The following HSPB6 variants were observed in gnomAD, a reference collection of about 807,000 sequenced individuals.
HSPB6 encodes heat shock protein family B (small) member 6, also known as heat shock protein beta-6.
Under a neutral mutation model 10.7 loss-of-function variants are expected in HSPB6, and 8 were observed. The observed-to-expected ratio is 0.75, with a 90% CI of 0.44 to 1.35. The LOEUF (loss-of-function observed/expected upper bound fraction) is 1.35, where lower values mean the gene tolerates loss of function less well. HSPB6 is among the 40% of genes most tolerant of loss of function. The probability of loss-of-function intolerance (pLI) is 0.00; values close to 1 mark genes in which losing one functional copy is unlikely to be tolerated. For synonymous variants in HSPB6, 128 were observed against 114.2 expected (o/e 1.12, Z -0.77); for missense variants, 232 against 236.0 (o/e 0.98, Z 0.11).
At chr19:35,756,622 C>G (rs1970762688) in intron 1 of HSPB6, among the ~76,000 whole-genome samples, 189 bp downstream of exon 1, 1 of 152,070 alleles carries the variant, frequency 6.6e-6, no homozygotes, top group Non-Finnish European at 1.5e-5. Context: ...CACCTAAGAG[C>G]GACGGGGACC....
chr19:35,755,285 G>A lies in HSPB6; in HGVS notation c.*237C>T. On this transcript the variant is annotated 3_prime_UTR_variant, in exon 3 of 3. Transcript: ENST00000004982. ...AGGGTAGTGCTGGTAGGGTCTGGAA[G>A]CCGGGGAGTTGTCGGTGTGGGGTCG... The A allele has an allele frequency of 1.5e-6, 1 of 669,836 alleles. No individual in the cohort carries two copies. The highest frequency in any genetic ancestry group is 2.8e-5 in the East Asian group (1 of 35,126). The allele number at this position is 669,836 out of a possible 1,614,324, so 41.5% of individuals were successfully genotyped here.
In HSPB6 at chr19:35,755,024, G is replaced by C. The variant is rs1471001148; in HGVS notation, c.*498C>G. ...TTGGGAACCAGGCCTGGATGGTCTG[G>C]AGTGGGAGGTCTGTGCAGTCCAGGA... is the stretch of plus-strand genomic sequence containing the variant. On this transcript the variant is annotated 3_prime_UTR_variant, in exon 3 of 3. Coordinates refer to ENST00000004982, the MANE Select transcript of HSPB6 (RefSeq NM_144617.3). 2 of 289,682 alleles carry C rather than the reference G, an allele frequency of 6.9e-6. No individual in the cohort carries two copies. The highest frequency in any genetic ancestry group is 2.3e-5 in the African/African-American group (1 of 43,484). The allele number at this position is 289,682 out of a possible 1,614,324, so 17.9% of individuals were successfully genotyped here.
In HSPB6 at chr19:35,755,288, G is replaced by A. The variant is rs554528232; in HGVS notation, c.*234C>T. On this transcript the variant is annotated 3_prime_UTR_variant, in exon 3 of 3. Transcript: ENST00000004982. ...GTAGTGCTGGTAGGGTCTGGAAGCC[G>A]GGGAGTTGTCGGTGTGGGGTCGGAA... 27 of 668,390 alleles carry A rather than the reference G, an allele frequency of 4.0e-5. No homozygotes were observed. The highest frequency in any genetic ancestry group is 1.3e-4 in the African/African-American group (7 of 54,378). 41.4% of individuals were successfully genotyped at this position (668,390 alleles called of 1,614,324 possible). A position where few individuals can be genotyped will look rare whatever the true frequency, so the allele number is the denominator to read the frequency against.
Position 35,755,695 on chromosome 19 carries a change from G to A in HSPB6, c.322-12C>T, listed in dbSNP as rs1970744169. 1 of 1,531,600 alleles carries A rather than the reference G, an allele frequency of 6.5e-7. No homozygotes were observed. 94.9% of individuals were successfully genotyped at this position (1,531,600 alleles called of 1,614,324 possible). On this transcript the variant is annotated splice_polypyrimidine_tract_variant and intron_variant, in intron 2 of 2. Transcript: ENST00000004982. ...AATCCGTGCTCATCCTGGAGGGGAG[G>A]GAGGCTTGAGCGGCCCCGCCCCTCC...
Position 35,755,184 on chromosome 19 carries a change from A to C in HSPB6, c.*338T>G. The C allele has an allele frequency of 2.2e-6, 1 of 457,834 alleles. No individual in the cohort carries two copies. The highest frequency in any genetic ancestry group is 4.0e-5 in the Admixed American group (1 of 24,776). The allele number at this position is 457,834 out of a possible 1,614,324, so 28.4% of individuals were successfully genotyped here. On this transcript the variant is annotated 3_prime_UTR_variant, in exon 3 of 3. Coordinates refer to ENST00000004982, the MANE Select transcript of HSPB6 (RefSeq NM_144617.3). The stretch of plus-strand genomic sequence containing the variant: ...TGTCTTTGTAGAGGACTCAGAAGGA[A>C]GTAGAGGAGGGGTCTTAAGTGGGGC...
At position 35,754,717 on chromosome 19, in the gene HSPB6, T is replaced by C. The variant is rs1970731468; in HGVS notation, c.*805A>G. 1.8e-6 allele frequency: 1 copy of C among 567,820 alleles called. No homozygotes were observed. The highest frequency in any genetic ancestry group is 3.0e-5 in the Admixed American group (1 of 33,550). 35.2% of individuals were successfully genotyped at this position (567,820 alleles called of 1,614,324 possible). A position where few individuals can be genotyped will look rare whatever the true frequency, so the allele number is the denominator to read the frequency against. On this transcript the variant is annotated 3_prime_UTR_variant, in exon 3 of 3. Coordinates refer to ENST00000004982, the MANE Select transcript of HSPB6 (RefSeq NM_144617.3). ...AGGGTGGGAGGTGGGTTGCCGAGGA[T>C]ATCTGGTTGAAGACTTGGGGGTCAA...
Position 35,755,229 on chromosome 19 carries a change from T to G in HSPB6, c.*293A>C. ...TGGGGCTATATGCCAAGAAAGTGGG[T>G]CGGTGGGGCTGAGACTGTCGGCTGA... On this transcript the variant is annotated 3_prime_UTR_variant, in exon 3 of 3. Transcript: ENST00000004982. The G allele has an allele frequency of 1.7e-6, 1 of 579,592 alleles. No individual in the cohort carries two copies. Among genetic ancestry groups the G allele is most frequent in the South Asian group, 1.9e-5 (1 of 52,534 alleles). The allele number at this position is 579,592 out of a possible 1,614,324, so 35.9% of individuals were successfully genotyped here.
rs539251973 is a variant in HSPB6 at position 35,755,981 on chromosome 19, C to T, written c.199-87G>A. ...AGGGAGACCCCACCCCCGTCGGTTC[C>T]GTGCCGCGGCTCACTCTGGCCTCCG... On this transcript the variant is annotated intron_variant, in intron 1 of 2. Transcript: ENST00000004982. 3.4e-6 allele frequency: 5 copies of T among 1,491,572 alleles called. No individual in the cohort carries two copies. In the African/African-American group the frequency reaches 5.7e-5, roughly 17 times the overall value. 92.4% of individuals were successfully genotyped at this position (1,491,572 alleles called of 1,614,324 possible).
Position 35,756,920 on chromosome 19 carries a change from T to C in HSPB6, c.89A>G (p.Asp30Gly). The change falls in exon 1 of 3, where the codon GAC becomes GGC. Residue 30 changes from aspartate to glycine, a missense_variant. By Grantham distance (94) the Asp-to-Gly change is moderately conservative (BLOSUM62 -1). Coordinates refer to ENST00000004982, the MANE Select transcript of HSPB6 (RefSeq NM_144617.3). ...CAGCAGCCCCTCGCCGAAGCGCTGG[T>C]CAAAGAGGCGTCCGGGCGCCGAAAG... Reference protein sequence around the residue: ...PGLSAPGRLFDQRFGEGLLEA... With the variant: ...PGLSAPGRLFGQRFGEGLLEA... 6.5e-7 allele frequency: 1 copy of C among 1,541,608 alleles called. No homozygotes were observed. The highest frequency in any genetic ancestry group is 1.2e-5 in the South Asian group (1 of 83,940).
Position 35,755,884 on chromosome 19 carries a change from TC to T in HSPB6, c.208del (p.Asp70ThrfsTer9). The T allele has an allele frequency of 6.4e-7, 1 of 1,566,862 alleles. No individual in the cohort carries two copies. Among genetic ancestry groups the T allele is most frequent in the Non-Finnish European group, 8.6e-7 (1 of 1,157,954 alleles). On this transcript the variant is annotated frameshift_variant, in exon 2 of 3. Transcript: ENST00000004982. LOFTEE classifies it high-confidence loss of function. ...VALPVAQVPT[D>X]PGHFSVLLDV... ...TAGCAGCACCGAAAAGTGGCCGGGG[TC>T]CGTCGGCACCTGAGCGCAGCGGGCG...
Position 35,755,080 on chromosome 19 carries a change from T to C in HSPB6, c.*442A>G, listed in dbSNP as rs1599738651. 4.1e-6 allele frequency: 1 copy of C among 242,392 alleles called. No individual in the cohort carries two copies. Among genetic ancestry groups the C allele is most frequent in the Middle Eastern group, 1.3e-3 (1 of 774 alleles). The allele number at this position is 242,392 out of a possible 1,614,324, so 15.0% of individuals were successfully genotyped here. Reference sequence around the variant, plus strand: ...GGGGGGTGGGGGGATTGTGCCTGACTGGCCTGGGGTTGGGGGAGGGCTGTC... The same window carrying C: ...GGGGGGTGGGGGGATTGTGCCTGACCGGCCTGGGGTTGGGGGAGGGCTGTC... On this transcript the variant is annotated 3_prime_UTR_variant, in exon 3 of 3. Transcript: ENST00000004982.
chr19:35,755,129 T>G lies in HSPB6; in HGVS notation c.*393A>C. ...TCTACACCATAATTTGGTGTCAAAA[T>G]AGGGAAGGGATGGAAATGTAGTACC... On this transcript the variant is annotated 3_prime_UTR_variant, in exon 3 of 3. Coordinates refer to ENST00000004982, the MANE Select transcript of HSPB6 (RefSeq NM_144617.3). 2.9e-6 allele frequency: 1 copy of G among 341,290 alleles called. No individual in the cohort carries two copies. Among genetic ancestry groups the G allele is most frequent in the South Asian group, 2.6e-5 (1 of 39,028 alleles). The allele number at this position is 341,290 out of a possible 1,614,324, so 21.1% of individuals were successfully genotyped here. A position where few individuals can be genotyped will look rare whatever the true frequency, so the allele number is the denominator to read the frequency against.
At position 35,756,881 on chromosome 19, in the gene HSPB6, G is replaced by A; in HGVS notation, c.128C>T (p.Ala43Val). The stretch of plus-strand genomic sequence containing the variant: ...GGCGAGCGTGGTGGGGCAGAGCGCA[G>A]CCAGCTCGGCCTCCAGCAGCCCCTC... The part of the protein sequence containing the change: ...FGEGLLEAEL[A>V]ALCPTTLAPY... Residue 43 changes from alanine to valine, a missense_variant, in exon 1 of 3, where the codon GCT becomes GTT. By Grantham distance (64) the Ala-to-Val change is moderately conservative. Coordinates refer to ENST00000004982, the MANE Select transcript of HSPB6 (RefSeq NM_144617.3). The A allele has an allele frequency of 6.5e-7, 1 of 1,537,720 alleles. No homozygotes were observed. The highest frequency in any genetic ancestry group is 8.7e-7 in the Non-Finnish European group (1 of 1,145,750).
In HSPB6 at chr19:35,755,959, G is replaced by T; in HGVS notation, c.199-65C>A. 2 of 1,520,284 alleles carry T rather than the reference G, an allele frequency of 1.3e-6. 1 individual carries two copies. Among genetic ancestry groups the T allele is most frequent in the South Asian group, 2.5e-5 (2 of 81,050 alleles). The allele number at this position is 1,520,284 out of a possible 1,614,324, so 94.2% of individuals were successfully genotyped here. A position where few individuals can be genotyped will look rare whatever the true frequency, so the allele number is the denominator to read the frequency against. On this transcript the variant is annotated intron_variant, in intron 1 of 2. Coordinates refer to ENST00000004982, the MANE Select transcript of HSPB6 (RefSeq NM_144617.3). ...GGCCAGGCTCCAGGACCCACCCAGGGAGACCCCACCCCCGTCGGTTCCGTG... is the reference window on the plus strand; with the variant it reads ...GGCCAGGCTCCAGGACCCACCCAGGTAGACCCCACCCCCGTCGGTTCCGTG...
chr19:35,756,770 CAAT>C (rs1170796235), intron 1 of HSPB6, 38 bp downstream of exon 1: 2 of 1,528,048 alleles, frequency 1.3e-6, no homozygotes, highest in Non-Finnish European at 1.8e-6. Flanking sequence ...AGACCCCTGG[CAAT>C]GGAAGTGGTC....
rs1248436541 is a variant in HSPB6 at position 35,755,671 on chromosome 19, A to T, written c.334T>A (p.Phe112Ile). The T allele has an allele frequency of 1.8e-5, 28 of 1,534,712 alleles. No individual in the cohort carries two copies. The highest frequency in any genetic ancestry group is 2.3e-5 in the Non-Finnish European group (26 of 1,143,334). ...RHEERPDEHG[F>I]VAREFHRRYR... is the part of the protein sequence containing the mutation. Reference sequence around the variant, plus strand: ...CGACGGTGGAACTCGCGCGCGACGAATCCGTGCTCATCCTGGAGGGGAGGG... The same window carrying T: ...CGACGGTGGAACTCGCGCGCGACGATTCCGTGCTCATCCTGGAGGGGAGGG... Residue 112 changes from phenylalanine (F) to isoleucine (I), a missense_variant, in exon 3 of 3, where the codon TTC becomes ATC. Coordinates refer to ENST00000004982, the MANE Select transcript of HSPB6 (RefSeq NM_144617.3).
chr19:35,755,162 C>A lies in HSPB6; in HGVS notation c.*360G>T. 2.4e-6 allele frequency: 1 copy of A among 414,442 alleles called. No individual in the cohort carries two copies. The highest frequency in any genetic ancestry group is 4.4e-6 in the Non-Finnish European group (1 of 227,874). The allele number at this position is 414,442 out of a possible 1,614,324, so 25.7% of individuals were successfully genotyped here. A position where few individuals can be genotyped will look rare whatever the true frequency, so the allele number is the denominator to read the frequency against. The stretch of plus-strand genomic sequence containing the variant: ...GGATGGAAATGTAGTACCCGGATGT[C>A]TTTGTAGAGGACTCAGAAGGAAGTA... On this transcript the variant is annotated 3_prime_UTR_variant, in exon 3 of 3. Coordinates refer to ENST00000004982, the MANE Select transcript of HSPB6 (RefSeq NM_144617.3).
chr19:35,756,013 A>G lies in HSPB6; in HGVS notation c.199-119T>C, dbSNP rs566379069. 5.0e-6 allele frequency: 7 copies of G among 1,400,864 alleles called. 1 individual carries two copies. The South Asian group carries it at 8.5e-5, about 17-fold the overall frequency. The allele number at this position is 1,400,864 out of a possible 1,614,324, so 86.8% of individuals were successfully genotyped here. On this transcript the variant is annotated intron_variant, in intron 1 of 2. Coordinates refer to ENST00000004982, the MANE Select transcript of HSPB6 (RefSeq NM_144617.3). ...CGGCTCACTCTGGCCTCCGGAGTTG[A>G]GCAGTCAGCTCTCCTACTGGGAGTC... is the stretch of plus-strand genomic sequence containing the variant.
rs763290046 is a variant in HSPB6, at chr19:35,755,603, G to A, written c.402C>T (p.Ser134=). Residue 134 remains serine, a synonymous_variant, in exon 3 of 3, where the codon TCC becomes TCT. Transcript: ENST00000004982. ...PPGVDPAAVT[S]ALSPEGVLSI... ...ACAGGACGCCCTCGGGGGACAGCGC[G>A]GACGTCACGGCAGCCGGATCCACGC... The A allele has an allele frequency of 1.8e-5, 27 of 1,532,936 alleles. No homozygotes were observed. In the Middle Eastern group the frequency reaches 5.0e-4, roughly 28 times the overall value. 95.0% of individuals were successfully genotyped at this position (1,532,936 alleles called of 1,614,324 possible). A position where few individuals can be genotyped will look rare whatever the true frequency, so the allele number is the denominator to read the frequency against.
Sources: allele counts gnomAD v4.1 joint callset (sites outside exome capture counted in the v4.1 genomes callset), GRCh38; gene constraint gnomAD v4.1.1; transcripts MANE v1.5; gene names NCBI Gene and HGNC (gene_info 2026-07-23, HGNC 2026-07-21).